TBC1D5: variants seen among roughly 807,000 people sequenced by gnomAD.
The protein encoded by TBC1D5 is TBC1 domain family, member 5.
TBC1D5 carries 75 observed loss-of-function variants against 100.3 expected under a neutral mutation model. The ratio of observed to expected loss-of-function variants is 0.75; its 90% confidence interval spans 0.62 to 0.91. The LOEUF is 0.91. Among genes scored for constraint, TBC1D5 ranks in the 40% least tolerant of loss-of-function variants. TBC1D5 has a pLI of 0.00. For synonymous variants in TBC1D5, 323 were observed against 325.6 expected, an observed-to-expected ratio of 0.99 and a Z score of 0.09; for missense variants, 910 against 942.4, an observed-to-expected ratio of 0.97 and a Z score of 0.45.
At chr3:17,328,569 T>C (rs2086475972) in intron 13 of TBC1D5, among the ~76,000 whole-genome samples, 1 of 152,176 alleles carries the variant, frequency 6.6e-6, no homozygotes, top group Non-Finnish European at 1.5e-5. Context: ...TAACTTACAA[T>C]ACAGTATTCC....
At chr3:17,371,920 C>T (rs920034746) in intron 13 of TBC1D5, among the ~76,000 whole-genome samples, 155 bp downstream of exon 13, 2 of 152,034 alleles carry the variant, frequency 1.3e-5, no homozygotes, top group African/African-American at 4.8e-5. Flanking sequence ...GTCTGTGGTA[C>T]CAGCTACTTG....
intron 2 of TBC1D5, among the ~76,000 whole-genome samples, chr3:17,525,378 G>C (rs1251215035): frequency 6.6e-6 from 1 of 152,112 alleles, no homozygotes; most frequent in Non-Finnish European, 1.5e-5. Context: ...TGATCTACCT[G>C]CCTCGGCCTC....
Position 17,449,968 on chromosome 3 carries a change from C to T in TBC1D5, c.98-21449G>A, listed in dbSNP as rs187326806. 6.3e-4 allele frequency among the ~76,000 whole-genome samples: 96 copies of T among 152,234 alleles called. 1 individual carries two copies. The highest frequency in any genetic ancestry group is 2.2e-3 in the African/African-American group (93 of 41,546). On this transcript the variant is annotated intron_variant, in intron 3 of 21. Coordinates refer to ENST00000253692, the Ensembl canonical transcript of TBC1D5. ...TCTCCCAGCAGGGATCGGCAGACAC[C>T]TCATATAGGAGAGCTCCGGCTGGCA...
chr3:17,308,602 C>A (rs1176876417), intron 13 of TBC1D5, among the ~76,000 whole-genome samples: 2 of 152,086 alleles, frequency 1.3e-5, no homozygotes, highest in East Asian at 3.8e-4. Flanking sequence ...TCACATCTCA[C>A]TTCTATTTAA....
intron 8 of TBC1D5, among the ~76,000 whole-genome samples, chr3:17,389,914 T>C (rs1348898650): frequency 1.3e-5 from 2 of 152,128 alleles, no homozygotes; most frequent in African/African-American, 2.4e-5. Context: ...TATAATTCTA[T>C]AATATTTTTT....
At position 17,560,645 on chromosome 3, in the gene TBC1D5, G is replaced by A. The variant is rs1186817644; in HGVS notation, c.-35-52040C>T. Among the ~76,000 whole-genome samples the A allele has an allele frequency of 3.4e-5, 5 of 148,810 alleles. No homozygotes were observed. The East Asian group carries it at 6.0e-4, about 18-fold the overall frequency. The stretch of plus-strand genomic sequence containing the variant: ...AAAAAAAAAAGGGGGGGTGGGGGGC[G>A]GACACAGTGGCTCACACCTGTAATC... On this transcript the variant is annotated intron_variant, in intron 2 of 21. Coordinates refer to ENST00000253692, the Ensembl canonical transcript of TBC1D5.
At chr3:17,474,820 C>A (rs2095419520) in intron 3 of TBC1D5, among the ~76,000 whole-genome samples, 1 of 152,008 alleles carries the variant, frequency 6.6e-6, no homozygotes, top group Non-Finnish European at 1.5e-5. Flanking sequence ...AAATGGAATG[C>A]CGGAAGGATA....
chr3:17,455,874 G>A (rs1422300999), intron 3 of TBC1D5, among the ~76,000 whole-genome samples: 1 of 151,874 alleles, frequency 6.6e-6, no homozygotes, highest in Non-Finnish European at 1.5e-5. Flanking sequence ...ACAATAGGAG[G>A]AATCATATTA....
At chr3:17,189,675 T>C (rs1237595541) in intron 18 of TBC1D5, among the ~76,000 whole-genome samples, 1 of 152,214 alleles carries the variant, frequency 6.6e-6, no homozygotes, top group Admixed American at 6.5e-5. Context: ...AAGTGTATGC[T>C]AAGGTTTAGA....
At chr3:17,392,023 A>C (rs904228745) in intron 8 of TBC1D5, among the ~76,000 whole-genome samples, 2 of 152,094 alleles carry the variant, frequency 1.3e-5, no homozygotes, top group African/African-American at 2.4e-5. Flanking sequence ...CAGCTTCTCA[A>C]GTCAGCAAAT....
chr3:17,376,587 T>C (rs2092719148), exon 10 of TBC1D5: 1 of 1,612,850 alleles, frequency 6.2e-7, no homozygotes, highest in Non-Finnish European at 8.5e-7. Flanking sequence ...GGACAAAGAC[T>C]ATAGGTGCTA....
intron 3 of TBC1D5, among the ~76,000 whole-genome samples, chr3:17,487,549 C>T (rs1559998835): frequency 1.3e-5 from 2 of 152,010 alleles, no homozygotes; most frequent in African/African-American, 4.8e-5. Context: ...AGGATTTGGC[C>T]AATTCTAGGA....
intron 1 of TBC1D5, among the ~76,000 whole-genome samples, chr3:17,704,262 C>A (rs1392560852): frequency 3.5e-5 from 5 of 142,764 alleles, no homozygotes; most frequent in African/African-American, 1.0e-4. Context: ...CAACAGGATC[C>A]CAAGGCAGAG....
At chr3:17,655,875 C>T (rs751355812) in intron 1 of TBC1D5, among the ~76,000 whole-genome samples, 10 of 152,198 alleles carry the variant, frequency 6.6e-5, no homozygotes, top group Non-Finnish European at 1.3e-4. Context: ...TAAAGAACCA[C>T]GTATTCTCAC....
chr3:17,257,523 T>A (rs1363172090), intron 16 of TBC1D5, among the ~76,000 whole-genome samples: 1 of 152,194 alleles, frequency 6.6e-6, no homozygotes, highest in Non-Finnish European at 1.5e-5. Context: ...AGAACTGGTC[T>A]CATAATTGCA....
chr3:17,211,622 C>G (rs1290884583), intron 18 of TBC1D5, among the ~76,000 whole-genome samples: 1 of 152,224 alleles, frequency 6.6e-6, no homozygotes, highest in East Asian at 1.9e-4. Flanking sequence ...CAATGTAAGT[C>G]AAGCTGCTTC....
At chr3:17,351,936 T>C (rs2090635055) in intron 13 of TBC1D5, among the ~76,000 whole-genome samples, 1 of 151,084 alleles carries the variant, frequency 6.6e-6, no homozygotes, top group Non-Finnish European at 1.5e-5. Context: ...TCCGTTTTTT[T>C]TTCCCCCCAA....
intron 3 of TBC1D5, among the ~76,000 whole-genome samples, chr3:17,483,130 C>G (rs1334194122): frequency 1.3e-5 from 2 of 152,142 alleles, no homozygotes; most frequent in African/African-American, 4.8e-5. Flanking sequence ...TGCTCTCACA[C>G]CCGAACTTCG....
At chr3:17,232,695 G>C (rs540021523) in intron 17 of TBC1D5, among the ~76,000 whole-genome samples, 16 of 152,064 alleles carry the variant, frequency 1.1e-4, no homozygotes, top group Non-Finnish European at 1.8e-4. Context: ...TTGCCACAAT[G>C]TGGTGGGTTT....
Sources: allele counts gnomAD v4.1 joint callset (sites outside exome capture counted in the v4.1 genomes callset), GRCh38; gene constraint gnomAD v4.1.1; transcripts MANE v1.5; gene names NCBI Gene and HGNC (gene_info 2026-07-23, HGNC 2026-07-21).